The following MIA2 variants were observed in gnomAD, a reference collection of about 807,000 sequenced individuals.
The protein encoded by MIA2 is MIA SH3 domain ER export factor 2, also known as melanoma inhibitory activity protein 2.
A neutral mutation model predicts 167.8 loss-of-function variants in MIA2; 127 were observed. The observed-to-expected ratio is 0.76, with a 90% CI of 0.66 to 0.88. The LOEUF (loss-of-function observed/expected upper bound fraction) is 0.88, where lower values mean the gene tolerates loss of function less well. Among genes scored for constraint, MIA2 ranks in the 40% least tolerant of loss-of-function variants. The pLI, the probability that MIA2 is intolerant of heterozygous loss-of-function variation, is 0.00. For synonymous variants in MIA2, 552 were observed against 541.9 expected (o/e 1.02, Z -0.26); for missense variants, 1,690 against 1,624.7 (o/e 1.04, Z -0.69).
chr14:39,325,138 G>C (rs1217913017), intron 24 of MIA2, among the ~76,000 whole-genome samples: 1 of 151,918 alleles, frequency 6.6e-6, no homozygotes, highest in Non-Finnish European at 1.5e-5. Flanking sequence ...TGGGAGAATT[G>C]CTTGAGCCTA....
In MIA2 at chr14:39,248,132, A is replaced by G. The variant is rs1566596407; in HGVS notation, c.1558A>G (p.Ser520Gly). 1 of 1,455,760 alleles carries G rather than the reference A, an allele frequency of 6.9e-7. No individual in the cohort carries two copies. Among genetic ancestry groups the G allele is most frequent in the Non-Finnish European group, 9.2e-7 (1 of 1,087,898 alleles). The allele number at this position is 1,455,760 out of a possible 1,614,324, so 90.2% of individuals were successfully genotyped here. The change falls in exon 4 of 29, where the codon AGT becomes GGT. Residue 520 changes from serine to glycine, a missense_variant. Physicochemically the swap from Ser to Gly is moderately conservative, Grantham distance 56 (BLOSUM62 0). Coordinates refer to ENST00000640607, the MANE Select transcript of MIA2 (RefSeq NM_001329214.4). ...AGTTATGATATTCAAAAGTTCATAC[A>G]GTCTGTCAGGTTGGTATGAAAATAT... ...TKVMIFKSSY[S>G]LSDMVSNIEL...
In MIA2 at chr14:39,252,986, T is replaced by C; in HGVS notation, c.1786+20T>C. The C allele has an allele frequency of 3.8e-6, 6 of 1,581,048 alleles. No individual in the cohort carries two copies. The highest frequency in any genetic ancestry group is 3.5e-6 in the Non-Finnish European group (4 of 1,158,036). ...AGAAAGGTAAGAAACAGGTTATTTA[T>C]TCTCTAATGCATCAATTAAGGAAGA... On this transcript the variant is annotated intron_variant, in intron 5 of 28. Coordinates refer to ENST00000640607, the MANE Select transcript of MIA2 (RefSeq NM_001329214.4).
intron 20 of MIA2, among the ~76,000 whole-genome samples, 192 bp from the exon 21 acceptor site, chr14:39,315,491 C>T (rs910538785): frequency 6.6e-6 from 1 of 152,074 alleles, no homozygotes; most frequent in South Asian, 2.1e-4. Flanking sequence ...ATTTAATTGT[C>T]TTTACATTCA....
At chr14:39,306,701 T>C (rs1202024427) in intron 17 of MIA2, among the ~76,000 whole-genome samples, 2 of 152,232 alleles carry the variant, frequency 1.3e-5, no homozygotes, top group Non-Finnish European at 2.9e-5. Context: ...TAATACTGTT[T>C]CCAAAACTTC....
At position 39,380,601 on chromosome 14, in the gene MIA2, G is replaced by A. The variant is rs893937934; in HGVS notation, c.2249-6284G>A. ...CCAGCTACTAGGGAGGCTGAGGCAG[G>A]AGAATTGCTTGAACCCGGGAGGCGG... On this transcript the variant is annotated intron_variant, in intron 23 of 23. Transcript: ENST00000341502. Among the ~76,000 whole-genome samples the A allele has an allele frequency of 2.9e-4, 44 of 150,956 alleles. 1 individual carries two copies. The highest frequency in any genetic ancestry group is 2.1e-4 in the South Asian group (1 of 4,752).
At chr14:39,337,875 G>C (rs1438067471) in intron 25 of MIA2, among the ~76,000 whole-genome samples, 3 of 151,964 alleles carry the variant, frequency 2.0e-5, no homozygotes, top group Non-Finnish European at 2.9e-5. Flanking sequence ...ACACCACCAT[G>C]CCCGGCCAGG....
intron 25 of MIA2, among the ~76,000 whole-genome samples, chr14:39,332,865 C>T (rs10148678): frequency 1.3e-5 from 2 of 152,088 alleles, no homozygotes; most frequent in African/African-American, 2.4e-5. Flanking sequence ...GTTCCTATTT[C>T]GACGTCTTGC....
intron 6 of MIA2, among the ~76,000 whole-genome samples, chr14:39,259,688 G>A (rs1303982382): frequency 2.1e-5 from 3 of 140,008 alleles, no homozygotes; most frequent in African/African-American, 8.3e-5. Context: ...GTGCCACCAT[G>A]CCTGGCTAGG....
chr14:39,238,436 G>A (rs1284760250), intron 2 of MIA2, among the ~76,000 whole-genome samples: 2 of 151,948 alleles, frequency 1.3e-5, no homozygotes, highest in Non-Finnish European at 2.9e-5. Context: ...GCCTCCCAAA[G>A]GGCTGGGATT....
chr14:39,291,629 T>G (rs2060751542), intron 10 of MIA2, among the ~76,000 whole-genome samples: 1 of 152,192 alleles, frequency 6.6e-6, no homozygotes, highest in South Asian at 2.1e-4. Context: ...CAGCCTTATT[T>G]GTAGCATTTG....
At chr14:39,335,985 T>G (rs2070310461) in intron 25 of MIA2, among the ~76,000 whole-genome samples, 1 of 152,236 alleles carries the variant, frequency 6.6e-6, no homozygotes, top group African/African-American at 2.4e-5. Flanking sequence ...ATGTACTGCA[T>G]TTTCTTTATC....
chr14:39,307,646 C>T (rs1197527725), intron 17 of MIA2, among the ~76,000 whole-genome samples: 1 of 151,928 alleles, frequency 6.6e-6, no homozygotes, highest in Non-Finnish European at 1.5e-5. Context: ...GTGATCCACC[C>T]CCTTCGGCCT....
intron 3 of MIA2, among the ~76,000 whole-genome samples, chr14:39,245,081 C>CTTTTTTTT (rs10683715): frequency 0.43 from 51,597 of 119,392 alleles, 11,844 homozygotes; most frequent in East Asian, 0.68. Flanking sequence ...CCTAGCTAAC[C>CTTTTTTTT]TTTTTTTTTT....
intron 23 of MIA2, among the ~76,000 whole-genome samples, chr14:39,371,866 T>C (rs1353139002): frequency 4.3e-4 from 65 of 152,230 alleles, no homozygotes; most frequent in Admixed American, 4.1e-3. Flanking sequence ...AATTTCATTC[T>C]CAGGCACATT....
At chr14:39,286,805 C>T (rs1402742622) in intron 9 of MIA2, among the ~76,000 whole-genome samples, 1 of 151,222 alleles carries the variant, frequency 6.6e-6, no homozygotes, top group Non-Finnish European at 1.5e-5. Flanking sequence ...GTGATTCTCC[C>T]ACCTCAGCCT....
At chr14:39,351,758 A>G (rs1037058567), downstream of MIA2, among the ~76,000 whole-genome samples, 2 of 152,150 alleles carry the variant, frequency 1.3e-5, no homozygotes, top group Non-Finnish European at 2.9e-5. Flanking sequence ...GGCGTCCACC[A>G]CCACATCTGG....
chr14:39,315,960 C>T (rs892229190), intron 21 of MIA2, among the ~76,000 whole-genome samples: 6 of 151,992 alleles, frequency 3.9e-5, no homozygotes, highest in African/African-American at 7.3e-5. Flanking sequence ...GTTTATACTC[C>T]ATGGGGAAGG....
At chr14:39,382,083 A>G (rs531893744) in intron 23 of MIA2, among the ~76,000 whole-genome samples, 1 of 152,346 alleles carries the variant, frequency 6.6e-6, no homozygotes, top group Non-Finnish European at 1.5e-5. Flanking sequence ...CCCTATTGGA[A>G]GCAAGCTGAA....
At chr14:39,320,893 C>T (rs2066294506) in intron 23 of MIA2, 35 bp from the exon 24 acceptor site, 1 of 1,601,742 alleles carries the variant, frequency 6.2e-7, no homozygotes, top group African/African-American at 1.3e-5. Context: ...CTAAGTGAAA[C>T]TATGAATTTA....
Sources: gnomAD v4.1 joint callset for allele counts (sites outside exome capture counted in the v4.1 genomes callset) on GRCh38, gnomAD v4.1.1 for gene constraint, MANE v1.5 for transcripts, NCBI Gene and HGNC (gene_info 2026-07-23, HGNC 2026-07-21) for gene names.